The following COPG2 variants were observed in gnomAD, a reference collection of about 807,000 sequenced individuals.
COPG2 encodes the protein coat protein complex I subunit gamma 2, also known as coatomer subunit gamma-2.
In COPG2, 37 loss-of-function variants were observed where a neutral mutation model predicts 46.3. The observed-to-expected ratio is 0.80, with a 90% CI of 0.61 to 1.05. The LOEUF (loss-of-function observed/expected upper bound fraction) is 1.05, where lower values mean the gene tolerates loss of function less well. COPG2 is among the 50% of genes least tolerant of loss of function. The pLI is 0.00. For synonymous variants in COPG2, 159 were observed against 129.7 expected (o/e 1.23, Z -1.53); for missense variants, 427 against 387.8 (o/e 1.10, Z -0.85).
rs1794943082 is a variant in COPG2 at position 130,616,008 on chromosome 7, G to A, written c.399+982C>T. 3.3e-5 allele frequency among the ~76,000 whole-genome samples: 5 copies of A among 152,172 alleles called. No individual in the cohort carries two copies. In the South Asian group the frequency reaches 1.0e-3, roughly 31 times the overall value. On this transcript the variant is annotated intron_variant, in intron 6 of 23. Transcript: ENST00000425248. ...TTCAAATTTTAAAATCATTAGGGAT[G>A]AGTTGCCAAAAAATTTGGATAAGTT... is the stretch of plus-strand genomic sequence containing the variant.
intron 9 of COPG2, among the ~76,000 whole-genome samples, chr7:130,594,964 A>G (rs1325639917): frequency 1.3e-5 from 2 of 152,202 alleles, no homozygotes; most frequent in Non-Finnish European, 2.9e-5. Context: ...CAGTTCCTCA[A>G]AAAGCTAGAC....
chr7:130,525,897 C>T (rs1401432559), intron 20 of COPG2, among the ~76,000 whole-genome samples: 1 of 151,658 alleles, frequency 6.6e-6, no homozygotes, highest in Admixed American at 6.6e-5. Context: ...GTAAGAAGGT[C>T]TTAAATTCTA....
At chr7:130,582,203 A>T (rs1255921367) in intron 9 of COPG2, among the ~76,000 whole-genome samples, 1 of 148,850 alleles carries the variant, frequency 6.7e-6, no homozygotes, top group East Asian at 2.0e-4. Flanking sequence ...CATATCTACA[A>T]CTATCTGATC....
Position 130,574,639 on chromosome 7 carries a change from T to A in COPG2, c.738-10246A>T, listed in dbSNP as rs190846094. ...GGTAATATGACAAAACAAGGCTCTT[T>A]AACACCTCCCCCCCCAAAAAAATTA... On this transcript the variant is annotated intron_variant, in intron 9 of 23. Coordinates refer to ENST00000425248, the MANE Select transcript of COPG2 (RefSeq NM_012133.6). 1.3e-5 allele frequency among the ~76,000 whole-genome samples: 2 copies of A among 152,154 alleles called. 1 individual carries two copies. The highest frequency in any genetic ancestry group is 2.9e-5 in the Non-Finnish European group (2 of 68,006).
intron 20 of COPG2, among the ~76,000 whole-genome samples, chr7:130,513,385 GTGTGTATA>G (rs1584960305): frequency 2.0e-5 from 2 of 102,310 alleles, no homozygotes; most frequent in African/African-American, 7.0e-5. Flanking sequence ...ATGTGTGTGT[GTGTGTATA>G]TATATATATA....
intron 4 of COPG2, 111 bp downstream of exon 4, chr7:130,662,856 A>C: frequency 1.5e-6 from 1 of 681,440 alleles, no homozygotes; most frequent in Non-Finnish European, 2.6e-6. Flanking sequence ...AAGCAGTTAA[A>C]TAATTTAAAA....
intron 9 of COPG2, among the ~76,000 whole-genome samples, chr7:130,586,233 T>C (rs1049029321): frequency 2.0e-5 from 3 of 152,112 alleles, no homozygotes; most frequent in East Asian, 1.9e-4. Flanking sequence ...AACCAAACAT[T>C]GTATGTTCTC....
intron 10 of COPG2, among the ~76,000 whole-genome samples, chr7:130,563,755 C>CAAAAAAAAAAAAAAAAAAAAAAAA (rs1239944614): frequency 1.1e-5 from 1 of 89,006 alleles, no homozygotes; most frequent in Admixed American, 1.3e-4. Context: ...GACTCCGTCT[C>CAAAAAAAAAAAAAAAAAAAAAAAA]AAAAAAAAAA....
At chr7:130,657,753 A>C (rs1795885421) in intron 4 of COPG2, among the ~76,000 whole-genome samples, 1 of 152,232 alleles carries the variant, frequency 6.6e-6, no homozygotes, top group South Asian at 2.1e-4. Flanking sequence ...CCAACAGAAG[A>C]TATACGGAAG....
chr7:130,535,835 C>T (rs1428694470), intron 20 of COPG2, among the ~76,000 whole-genome samples: 1 of 151,924 alleles, frequency 6.6e-6, no homozygotes, highest in Non-Finnish European at 1.5e-5. Context: ...TTGATGAATA[C>T]AGGCTAGAGA....
intron 9 of COPG2, among the ~76,000 whole-genome samples, chr7:130,582,428 T>C (rs1170758229): frequency 2.0e-5 from 3 of 151,186 alleles, no homozygotes; most frequent in Admixed American, 1.3e-4. Context: ...ATTCAGGACA[T>C]AGGCATGGGC....
At chr7:130,583,350 G>T (rs1794192948) in intron 9 of COPG2, among the ~76,000 whole-genome samples, 1 of 148,754 alleles carries the variant, frequency 6.7e-6, no homozygotes, top group African/African-American at 2.5e-5. Flanking sequence ...ACTGTGGGGG[G>T]TGGGGGGAGT....
chr7:130,599,397 C>T (rs1794591933), intron 9 of COPG2, among the ~76,000 whole-genome samples: 1 of 152,176 alleles, frequency 6.6e-6, no homozygotes, highest in African/African-American at 2.4e-5. Context: ...GTCACACACC[C>T]ATTGGTGCCA....
chr7:130,591,130 G>A (rs868948123), intron 9 of COPG2, among the ~76,000 whole-genome samples: 13 of 111,996 alleles, frequency 1.2e-4, no homozygotes, highest in South Asian at 6.6e-4. Context: ...TGCCCCGTCC[G>A]GAAGGGAGGT....
chr7:130,569,795 A>G (rs904750385), intron 9 of COPG2, among the ~76,000 whole-genome samples: 26 of 152,252 alleles, frequency 1.7e-4, no homozygotes, highest in South Asian at 1.7e-3. Context: ...GAACACAGAC[A>G]CAGAAATCCT....
intron 20 of COPG2, among the ~76,000 whole-genome samples, chr7:130,536,388 C>T (rs1343656953): frequency 1.3e-5 from 2 of 152,024 alleles, no homozygotes; most frequent in African/African-American, 4.8e-5. Flanking sequence ...TGGGTTTCAC[C>T]CGAGGGAGGG....
rs1794813312 is a variant in COPG2, at chr7:130,610,003, G to A, written c.737+950C>T. ...TTAGAGAAGTTGTTTAAAAGTCACT[G>A]CCTAGTAATTTCTAAAGTCACTGCC... On this transcript the variant is annotated intron_variant, in intron 9 of 23. Coordinates refer to ENST00000425248, the MANE Select transcript of COPG2 (RefSeq NM_012133.6). The A allele has an allele frequency of 1.8e-5, 9 of 502,320 alleles. 1 individual carries two copies. Among genetic ancestry groups the A allele is most frequent in the South Asian group, 1.3e-4 (9 of 67,776 alleles). 31.1% of individuals were successfully genotyped at this position (502,320 alleles called of 1,614,324 possible). A position where few individuals can be genotyped will look rare whatever the true frequency, so the allele number is the denominator to read the frequency against.
At chr7:130,583,413 G>T (rs1794194869) in intron 9 of COPG2, among the ~76,000 whole-genome samples, 1 of 149,360 alleles carries the variant, frequency 6.7e-6, no homozygotes, top group East Asian at 2.0e-4. Context: ...GAGTTAGTGG[G>T]TGCAGTGCAC....
chr7:130,550,029 T>G (rs1178084636), intron 17 of COPG2, among the ~76,000 whole-genome samples: 4 of 152,122 alleles, frequency 2.6e-5, no homozygotes, highest in Admixed American at 6.5e-5. Context: ...CATTTTGGAG[T>G]GCATTTCATC....
Sources: allele counts gnomAD v4.1 joint callset (sites outside exome capture counted in the v4.1 genomes callset), GRCh38; gene constraint gnomAD v4.1.1; transcripts MANE v1.5; gene names NCBI Gene and HGNC (gene_info 2026-07-23, HGNC 2026-07-21).